The following KATNAL2 variants were observed in gnomAD, a reference collection of about 807,000 sequenced individuals.
KATNAL2 encodes the protein katanin p60 ATPase-containing subunit A-like 2.
In KATNAL2, 52 loss-of-function variants were observed where a neutral mutation model predicts 76.3. The observed-to-expected ratio is 0.68, with a 90% CI of 0.55 to 0.86. KATNAL2 has a LOEUF of 0.86. Among genes scored for constraint, KATNAL2 ranks in the 40% least tolerant of loss-of-function variants. The probability of loss-of-function intolerance (pLI) is 0.00; values close to 1 mark genes in which losing one functional copy is unlikely to be tolerated. For synonymous variants in KATNAL2, 243 were observed against 244.2 expected, an observed-to-expected ratio of 1.00 and a Z score of 0.05; for missense variants, 660 against 668.9, an observed-to-expected ratio of 0.99 and a Z score of 0.15.
At chr18:47,080,974 C>CCCTT (rs936854828) in intron 15 of KATNAL2, among the ~76,000 whole-genome samples, 4 of 150,976 alleles carry the variant, frequency 2.6e-5, no homozygotes. Context: ...CATTCTGTAG[C>CCCTT]CCTTCCTTCC....
intron 1 of KATNAL2, among the ~76,000 whole-genome samples, chr18:46,933,831 T>C (rs1164902499): frequency 7.3e-6 from 1 of 136,414 alleles, no homozygotes; most frequent in Non-Finnish European, 1.6e-5. Flanking sequence ...CAGTGTGTGA[T>C]GTTCCCCTTC....
At chr18:47,083,237 T>C (rs908869213) in intron 15 of KATNAL2, among the ~76,000 whole-genome samples, 4 of 152,178 alleles carry the variant, frequency 2.6e-5, no homozygotes, top group Non-Finnish European at 4.4e-5. Flanking sequence ...TATGAGAAAA[T>C]AGTGTATTTT....
intron 3 of KATNAL2, chr18:47,033,189 G>A (rs758486080): frequency 2.5e-5 from 40 of 1,613,982 alleles, no homozygotes; most frequent in Admixed American, 1.2e-4. Flanking sequence ...CTCTGCCACC[G>A]CCGCTGCTGC....
chr18:46,955,142 C>CTCTCTTTCTT (rs1438660178), intron 3 of KATNAL2, among the ~76,000 whole-genome samples: 1 of 53,610 alleles, frequency 1.9e-5, no homozygotes, highest in African/African-American at 8.4e-5. Context: ...TTCTCTCTCT[C>CTCTCTTTCTT]TTTCTTTCTT....
chr18:47,044,620 G>T (rs949876292), intron 3 of KATNAL2, among the ~76,000 whole-genome samples: 1 of 151,958 alleles, frequency 6.6e-6, no homozygotes, highest in Non-Finnish European at 1.5e-5. Flanking sequence ...AATTAGCCGG[G>T]TGTGGTAGCG....
chr18:47,048,099 T>C (rs571401981), intron 4 of KATNAL2, among the ~76,000 whole-genome samples: 3 of 152,278 alleles, frequency 2.0e-5, no homozygotes, highest in African/African-American at 7.2e-5. Flanking sequence ...CTAGTGGGTA[T>C]AGGCCAAGGA....
chr18:47,034,219 C>T (rs2571029), intron 3 of KATNAL2: 4 of 1,613,770 alleles, frequency 2.5e-6, no homozygotes, highest in Non-Finnish European at 3.4e-6. Flanking sequence ...CGGTGGCTTC[C>T]CCTCTTGAGT....
At chr18:47,072,089 T>C (rs906726911) in intron 13 of KATNAL2, among the ~76,000 whole-genome samples, 5 of 148,466 alleles carry the variant, frequency 3.4e-5, no homozygotes, top group African/African-American at 1.2e-4. Flanking sequence ...GCTTCCTGAG[T>C]AGCTGGGACT....
intron 13 of KATNAL2, among the ~76,000 whole-genome samples, chr18:47,073,624 A>G (rs1037927535): frequency 1.3e-5 from 2 of 152,196 alleles, no homozygotes; most frequent in African/African-American, 2.4e-5. Context: ...AGTTATTTAT[A>G]GGGAACCATT....
chr18:47,081,301 G>C (rs999781837), intron 15 of KATNAL2, among the ~76,000 whole-genome samples: 1 of 151,988 alleles, frequency 6.6e-6, no homozygotes, highest in South Asian at 2.1e-4. Flanking sequence ...TATATTGTGA[G>C]GCACATGCAT....
At chr18:46,919,541 C>T (rs879636373) in intron 1 of KATNAL2, among the ~76,000 whole-genome samples, 1 of 151,572 alleles carries the variant, frequency 6.6e-6, no homozygotes, top group Non-Finnish European at 1.5e-5. Flanking sequence ...CCCAGCTACT[C>T]GTGAGGCTGA....
At chr18:47,093,132 C>T (rs1314553835) in intron 15 of KATNAL2, among the ~76,000 whole-genome samples, 1 of 152,110 alleles carries the variant, frequency 6.6e-6, no homozygotes, top group Non-Finnish European at 1.5e-5. Flanking sequence ...AATTTCACCA[C>T]GATGTGACTT....
chr18:46,927,340 A>T (rs1346747226), intron 1 of KATNAL2, among the ~76,000 whole-genome samples: 2 of 152,042 alleles, frequency 1.3e-5, no homozygotes, highest in Non-Finnish European at 2.9e-5. Flanking sequence ...TCCTTCACTT[A>T]TGATGCTTAG....
chr18:47,041,968 T>C (rs927896317), intron 3 of KATNAL2, among the ~76,000 whole-genome samples: 34 of 152,244 alleles, frequency 2.2e-4, no homozygotes, highest in African/African-American at 8.2e-4. Flanking sequence ...ATGTTGTCTT[T>C]TCATATGCTT....
chr18:47,077,453 C>A lies in KATNAL2; in HGVS notation c.1203C>A (p.Asn401Lys). The A allele has an allele frequency of 1.9e-6, 3 of 1,611,256 alleles. No homozygotes were observed. Among genetic ancestry groups the A allele is most frequent in the Non-Finnish European group, 2.5e-6 (3 of 1,177,366 alleles). ...TCGTATTTGTCTTAGCAGCTTCTAACCTGCCGTGGTAAGAGACCAAGAGAG... is the reference window on the plus strand; with the variant it reads ...TCGTATTTGTCTTAGCAGCTTCTAAACTGCCGTGGTAAGAGACCAAGAGAG... ...EDLVFVLAAS[N>K]LPWELDCAML... Residue 401 changes from asparagine to lysine, a missense_variant, in exon 15 of 18, where the codon AAC becomes AAA. By Grantham distance (94) the Asn-to-Lys change is moderately conservative. Transcript: ENST00000683218.
intron 1 of KATNAL2, among the ~76,000 whole-genome samples, chr18:46,933,405 G>A (rs952576581): frequency 2.0e-5 from 3 of 152,136 alleles, no homozygotes; most frequent in Admixed American, 2.0e-4. Flanking sequence ...AGATGAAGAG[G>A]TTAATAAACA....
intron 15 of KATNAL2, among the ~76,000 whole-genome samples, chr18:47,085,842 C>T (rs960571240): frequency 6.6e-6 from 1 of 152,076 alleles, no homozygotes; most frequent in Non-Finnish European, 1.5e-5. Flanking sequence ...GTGGCTTATG[C>T]TTGTAATCCC....
At chr18:47,035,295 C>T (rs777673621) in intron 3 of KATNAL2, 310 of 1,611,598 alleles carry the variant, frequency 1.9e-4, no homozygotes, top group Non-Finnish European at 2.4e-4. Flanking sequence ...GTCGCTGTCC[C>T]GGCGGTCGCA....
chr18:47,063,992 T>C (rs1424036229), intron 10 of KATNAL2, among the ~76,000 whole-genome samples: 1 of 152,198 alleles, frequency 6.6e-6, no homozygotes, highest in Non-Finnish European at 1.5e-5. Flanking sequence ...TATTGCTTCA[T>C]ATTTAATTGA....
Sources: gnomAD v4.1 joint callset for allele counts (sites outside exome capture counted in the v4.1 genomes callset) on GRCh38, gnomAD v4.1.1 for gene constraint, MANE v1.5 for transcripts, NCBI Gene and HGNC (gene_info 2026-07-23, HGNC 2026-07-21) for gene names.